Variants in ADRA1B observed in about 807,000 individuals in gnomAD.
The protein encoded by ADRA1B is adrenoceptor alpha 1B, also known as alpha-1B adrenergic receptor.
Under a neutral mutation model 17.9 loss-of-function variants are expected in ADRA1B, and 17 were observed. The observed-to-expected ratio is 0.95, with a 90% CI of 0.65 to 1.42. The LOEUF is 1.42. Among genes scored for constraint, ADRA1B ranks in the 40% most tolerant of loss-of-function variants. ADRA1B has a pLI of 0.00. For synonymous variants in ADRA1B, 366 were observed against 327.6 expected (o/e 1.12, Z -1.27); for missense variants, 681 against 722.1 (o/e 0.94, Z 0.65).
chr5:159,900,867 TC>T (rs990917019), intron 1 of ADRA1B, among the ~76,000 whole-genome samples: 2 of 152,218 alleles, frequency 1.3e-5, no homozygotes, highest in African/African-American at 4.8e-5. Context: ...GAAAATTACA[TC>T]TGCTCTCAAA....
At chr5:159,925,720 A>G (rs1754628268) in intron 1 of ADRA1B, among the ~76,000 whole-genome samples, 1 of 152,222 alleles carries the variant, frequency 6.6e-6, no homozygotes, top group Non-Finnish European at 1.5e-5. Flanking sequence ...CGTATATTCA[A>G]CAGAACCCAC....
intron 1 of ADRA1B, among the ~76,000 whole-genome samples, chr5:159,952,909 C>A (rs1227475806): frequency 6.6e-6 from 1 of 152,216 alleles, no homozygotes; most frequent in African/African-American, 2.4e-5. Context: ...GGCCTCCCCT[C>A]TCAAGAGCTG....
chr5:159,886,514 T>A (rs1753924168), intron 1 of ADRA1B, among the ~76,000 whole-genome samples: 1 of 152,130 alleles, frequency 6.6e-6, no homozygotes, highest in Admixed American at 6.6e-5. Flanking sequence ...TCAGTGAGTC[T>A]CCCAAGCCAG....
chr5:159,945,063 C>T (rs139653316), intron 1 of ADRA1B, among the ~76,000 whole-genome samples: 5 of 151,948 alleles, frequency 3.3e-5, no homozygotes, highest in African/African-American at 1.2e-4. Flanking sequence ...GGAAGCTGAT[C>T]GAAAAAGAAA....
At chr5:159,875,385 T>C (rs969219830) in intron 1 of ADRA1B, among the ~76,000 whole-genome samples, 1 of 151,926 alleles carries the variant, frequency 6.6e-6, no homozygotes, top group Non-Finnish European at 1.5e-5. Flanking sequence ...AAATCTGAAA[T>C]AAGTCACCGA....
intron 1 of ADRA1B, among the ~76,000 whole-genome samples, chr5:159,963,997 A>G (rs1485948943): frequency 6.6e-6 from 1 of 152,170 alleles, no homozygotes; most frequent in African/African-American, 2.4e-5. Flanking sequence ...CCCGGAAAAA[A>G]AAGAATAAAA....
At chr5:159,880,399 T>C (rs1753850523) in intron 1 of ADRA1B, among the ~76,000 whole-genome samples, 1 of 152,180 alleles carries the variant, frequency 6.6e-6, no homozygotes, top group Non-Finnish European at 1.5e-5. Context: ...CCCATCCCAC[T>C]TTTCAAAGGT....
chr5:159,876,851 G>T (rs1489430713), intron 1 of ADRA1B, among the ~76,000 whole-genome samples: 11 of 152,192 alleles, frequency 7.2e-5, no homozygotes. Flanking sequence ...TGACAGTAAA[G>T]TCATTTTGTT....
chr5:159,972,051 A>ACGCCGCCGC lies in ADRA1B; in HGVS notation c.1128_1136dup (p.Arg378_Arg380dup), dbSNP rs745969860. ...AGTGCCGCGGCCGCGGCCGCCGCCG[A>ACGCCGCCGC]CGCCGCCGCCGCCGTCGCCTGGGCG... On this transcript the variant is annotated inframe_insertion, in exon 2 of 2. Coordinates refer to ENST00000306675, the MANE Select transcript of ADRA1B (RefSeq NM_000679.4). 3 of 1,348,836 alleles carry ACGCCGCCGC rather than the reference A, an allele frequency of 2.2e-6. No homozygotes were observed. Among genetic ancestry groups the ACGCCGCCGC allele is most frequent in the African/African-American group, 3.2e-5 (2 of 63,256 alleles). 83.6% of individuals were successfully genotyped at this position (1,348,836 alleles called of 1,614,324 possible).
intron 1 of ADRA1B, among the ~76,000 whole-genome samples, chr5:159,900,653 T>A (rs1055499847): frequency 6.6e-6 from 1 of 151,210 alleles, no homozygotes; most frequent in Non-Finnish European, 1.5e-5. Flanking sequence ...AGAGAGAGAG[T>A]CAGCAAAGGG....
chr5:159,952,955 A>G (rs934251027), intron 1 of ADRA1B, among the ~76,000 whole-genome samples: 5 of 152,138 alleles, frequency 3.3e-5, no homozygotes, highest in African/African-American at 1.2e-4. Context: ...TCTGAAACAC[A>G]CTTGCCCTGT....
In ADRA1B at chr5:159,909,785, G is replaced by A. The variant is rs539217448; in HGVS notation, c.-255-6334G>A. 8.5e-5 allele frequency among the ~76,000 whole-genome samples: 13 copies of A among 152,324 alleles called. No homozygotes were observed. In the South Asian group the frequency reaches 2.1e-3, roughly 24 times the overall value. ...GAAAGAGGTTATGCCTAGACAAAGA[G>A]AGTTACAACAGAGAGGCTCCTCAAA... On this transcript the variant is annotated intron_variant, in intron 1 of 2. Transcript: ENST00000641205.
At chr5:159,948,487 C>A in intron 1 of ADRA1B, 2 of 981,876 alleles carry the variant, frequency 2.0e-6, no homozygotes, top group African/African-American at 1.7e-5. Context: ...GGTTAGTTAA[C>A]GTTTTATTAC....
chr5:159,906,562 A>C lies in ADRA1B; in HGVS notation c.-255-9557A>C, dbSNP rs1019475367. ...CTAAGGCTGAAGCCCAGGAATCTGC[A>C]TCTTAAGGCTTGCTCTAGATGACTT... On this transcript the variant is annotated intron_variant, in intron 1 of 2. Coordinates refer to the ADRA1B transcript ENST00000641205. Among the ~76,000 whole-genome samples the C allele has an allele frequency of 5.9e-5, 9 of 152,354 alleles. No individual in the cohort carries two copies. In the East Asian group the frequency reaches 1.7e-3, roughly 29 times the overall value.
the ADRA1B span, among the ~76,000 whole-genome samples, chr5:159,982,060 C>A: frequency 2.0e-5 from 3 of 152,144 alleles, no homozygotes; most frequent in Non-Finnish European, 4.4e-5. Flanking sequence ...CCCTTGGAAC[C>A]CATCCATCAT....
chr5:159,951,666 C>T (rs1755444320), intron 1 of ADRA1B, among the ~76,000 whole-genome samples: 1 of 152,212 alleles, frequency 6.6e-6, no homozygotes, highest in Non-Finnish European at 1.5e-5. Flanking sequence ...GGAACCTGAG[C>T]TGCCCTGGCC....
intron 1 of ADRA1B, among the ~76,000 whole-genome samples, chr5:159,961,711 C>T (rs567511908): frequency 6.6e-6 from 1 of 152,190 alleles, no homozygotes; most frequent in Non-Finnish European, 1.5e-5. Flanking sequence ...CCCACTGACT[C>T]CCCTGAGGTC....
chr5:159,874,437 A>C (rs972938709), intron 1 of ADRA1B, among the ~76,000 whole-genome samples: 2 of 152,184 alleles, frequency 1.3e-5, no homozygotes, highest in Non-Finnish European at 2.9e-5. Flanking sequence ...CCTGCCAACT[A>C]ATTCCTGACC....
intron 1 of ADRA1B, among the ~76,000 whole-genome samples, chr5:159,895,368 A>G (rs1310873121): frequency 6.6e-6 from 1 of 152,242 alleles, no homozygotes; most frequent in Admixed American, 6.5e-5. Flanking sequence ...GAACTGTGCT[A>G]CATGCTTTCT....
Sources: gnomAD v4.1 joint callset for allele counts (sites outside exome capture counted in the v4.1 genomes callset) on GRCh38, gnomAD v4.1.1 for gene constraint, MANE v1.5 for transcripts, NCBI Gene and HGNC (gene_info 2026-07-23, HGNC 2026-07-21) for gene names.